AFF3: variants seen among roughly 807,000 people sequenced by gnomAD.
AFF3 encodes the protein AF4/FMR2 family member 3.
In AFF3, 32 loss-of-function variants were observed where a neutral mutation model predicts 129.7. That is an observed-to-expected ratio of 0.25 (90% CI 0.19 to 0.33). The LOEUF is 0.33. AFF3 is among the 10% of genes least tolerant of loss of function. AFF3 has a pLI of 1.00. For synonymous variants in AFF3, 644 were observed against 635.4 expected (o/e 1.01, Z -0.20); for missense variants, 1,373 against 1,592.0 (o/e 0.86, Z 2.34).
Position 99,860,363 on chromosome 2 carries a change from C to G in AFF3, c.874-22839G>C, listed in dbSNP as rs189398774. ...GGTCAGGAGATTGAGACCATCCTGG[C>G]TAACATGGTGAAACCCCGTCTCTAC... On this transcript the variant is annotated intron_variant, in intron 7 of 24. Coordinates refer to ENST00000672756, the MANE Select transcript of AFF3 (RefSeq NM_001386135.1). Among the ~76,000 whole-genome samples, 35 of 152,100 alleles carry G rather than the reference C, an allele frequency of 2.3e-4. No individual in the cohort carries two copies. In the East Asian group the frequency reaches 5.6e-3, roughly 24 times the overall value.
At chr2:100,037,746 A>G (rs1241790197) in intron 4 of AFF3, among the ~76,000 whole-genome samples, 1 of 131,520 alleles carries the variant, frequency 7.6e-6, no homozygotes, top group Non-Finnish European at 1.6e-5. Flanking sequence ...TTTGTGTATA[A>G]TATATATTAT....
rs527522624 is a variant in AFF3, at chr2:99,984,331, T to C, written c.873+22301A>G. The stretch of plus-strand genomic sequence containing the variant: ...ATGAGCTTCTAAATCCAGTCCTGAG[T>C]AGAAAATTATAACAGTGAAAGAGAT... On this transcript the variant is annotated intron_variant, in intron 7 of 24. Coordinates refer to ENST00000672756, the MANE Select transcript of AFF3 (RefSeq NM_001386135.1). Among the ~76,000 whole-genome samples the C allele has an allele frequency of 8.5e-5, 13 of 152,272 alleles. No homozygotes were observed. In the East Asian group the frequency reaches 2.3e-3, roughly 27 times the overall value.
intron 8 of AFF3, among the ~76,000 whole-genome samples, chr2:99,771,960 T>C (rs1041352775): frequency 3.3e-5 from 5 of 152,196 alleles, no homozygotes; most frequent in Non-Finnish European, 7.3e-5. Context: ...TTGGAAACCA[T>C]AAATATGTCA....
chr2:99,840,588 T>G (rs1191373271), intron 7 of AFF3, among the ~76,000 whole-genome samples: 1 of 152,202 alleles, frequency 6.6e-6, no homozygotes, highest in Admixed American at 6.5e-5. Context: ...TCACACCCTT[T>G]CCTATACTCA....
chr2:99,593,060 T>TA, intron 15 of AFF3, 135 bp downstream of exon 15: 1 of 942,302 alleles, frequency 1.1e-6, no homozygotes, highest in Non-Finnish European at 1.5e-6. Context: ...GTGTGTTAGG[T>TA]AAGGACACAC....
At chr2:99,749,557 A>AG (rs1681456356) in intron 9 of AFF3, among the ~76,000 whole-genome samples, 2 of 152,228 alleles carry the variant, frequency 1.3e-5, no homozygotes, top group Admixed American at 1.3e-4. Flanking sequence ...TTACGTGCAA[A>AG]GATTCTAAGC....
intron 19 of AFF3, among the ~76,000 whole-genome samples, 199 bp from the exon 20 acceptor site, chr2:99,565,822 C>G (rs532310869): frequency 5.3e-4 from 80 of 152,200 alleles, no homozygotes; most frequent in Admixed American, 7.2e-4. Flanking sequence ...AGTGAGCGAA[C>G]AGTTATATAC....
intron 12 of AFF3, among the ~76,000 whole-genome samples, chr2:99,652,757 C>T (rs1291200221): frequency 2.0e-5 from 3 of 152,232 alleles, no homozygotes; most frequent in South Asian, 2.1e-4. Context: ...ACAGTCAGTC[C>T]GTGTCCAGGC....
At chr2:99,801,588 T>C (rs192801844) in intron 8 of AFF3, among the ~76,000 whole-genome samples, 11 of 152,200 alleles carry the variant, frequency 7.2e-5, no homozygotes, top group Non-Finnish European at 1.2e-4. Context: ...TTCCCACTAC[T>C]GAAGCACAGA....
intron 13 of AFF3, among the ~76,000 whole-genome samples, chr2:99,620,935 T>A (rs1681941002): frequency 6.6e-6 from 1 of 152,160 alleles, no homozygotes; most frequent in Non-Finnish European, 1.5e-5. Flanking sequence ...TTCTGAGGCC[T>A]CACCAGACAC....
intron 2 of AFF3, among the ~76,000 whole-genome samples, chr2:100,120,571 A>T (rs1187077299): frequency 6.6e-6 from 1 of 151,542 alleles, no homozygotes; most frequent in Non-Finnish European, 1.5e-5. Flanking sequence ...TATCTGAGGA[A>T]GGGAAGAAAT....
intron 7 of AFF3, among the ~76,000 whole-genome samples, chr2:99,856,816 T>C (rs558891090): frequency 2.6e-5 from 4 of 152,168 alleles, no homozygotes; most frequent in Non-Finnish European, 5.9e-5. Flanking sequence ...TATATAAGTA[T>C]GTTAATGTTA....
chr2:100,040,850 A>C (rs1270903803), intron 4 of AFF3, among the ~76,000 whole-genome samples: 1 of 152,222 alleles, frequency 6.6e-6, no homozygotes, highest in South Asian at 2.1e-4. Context: ...AGACAGCCCC[A>C]CCTGGCTGCA....
chr2:99,765,618 G>A (rs552883452), intron 8 of AFF3, among the ~76,000 whole-genome samples: 6 of 152,298 alleles, frequency 3.9e-5, no homozygotes, highest in South Asian at 4.1e-4. Flanking sequence ...AGAACCTAGC[G>A]TAATAGCTGG....
chr2:100,080,446 C>G (rs1688959032), intron 4 of AFF3, among the ~76,000 whole-genome samples: 1 of 152,010 alleles, frequency 6.6e-6, no homozygotes, highest in African/African-American at 2.4e-5. Context: ...AACAAACAAA[C>G]AAACAAACAA....
intron 13 of AFF3, among the ~76,000 whole-genome samples, chr2:99,618,075 T>C (rs557613833): frequency 1.3e-5 from 2 of 152,270 alleles, no homozygotes; most frequent in Admixed American, 1.3e-4. Context: ...GTGGACGTTT[T>C]ACTGCCTCTG....
At chr2:99,561,797 CTTT>C (rs145539681) in intron 20 of AFF3, among the ~76,000 whole-genome samples, 4,859 of 152,248 alleles carry the variant, frequency 0.032, 201 homozygotes, top group African/African-American at 0.095. Context: ...CATATTCCTT[CTTT>C]TGTCATTTTA....
Position 99,587,159 on chromosome 2 carries a change from G to A in AFF3, c.2586C>T (p.Ile862=). Residue 862 remains isoleucine, a synonymous_variant, in exon 16 of 25, where the codon ATC becomes ATT. Transcript: ENST00000672756. The part of the protein sequence containing the change: ...TLSANHCNMN[I]NSVAIPINKN... Reference sequence around the variant, plus strand: ...TTTGGAGGGAATGCACGTACCTGTTGATGTTCATGTTGCAGTGGTTTGCAG... The same window carrying A: ...TTTGGAGGGAATGCACGTACCTGTTAATGTTCATGTTGCAGTGGTTTGCAG... The A allele has an allele frequency of 6.2e-7, 1 of 1,614,130 alleles. No individual in the cohort carries two copies. The highest frequency in any genetic ancestry group is 8.5e-7 in the Non-Finnish European group (1 of 1,180,008).
chr2:99,576,338 G>C (rs1449491645), intron 18 of AFF3, among the ~76,000 whole-genome samples: 1 of 143,666 alleles, frequency 7.0e-6, no homozygotes, highest in Non-Finnish European at 1.5e-5. Flanking sequence ...GCCGTGAGAC[G>C]CTTTTTCTAC....
Sources: gnomAD v4.1 joint callset for allele counts (sites outside exome capture counted in the v4.1 genomes callset) on GRCh38, gnomAD v4.1.1 for gene constraint, MANE v1.5 for transcripts, NCBI Gene and HGNC (gene_info 2026-07-23, HGNC 2026-07-21) for gene names.